The following AFG1L variants were observed in gnomAD, a reference collection of about 807,000 sequenced individuals.
AFG1L encodes the protein AFG1-like ATPase.
Under a neutral mutation model 62.2 loss-of-function variants are expected in AFG1L, and 53 were observed. That is an observed-to-expected ratio of 0.85 (90% confidence interval 0.68 to 1.07). The LOEUF is 1.07. Among genes scored for constraint, AFG1L ranks in the 50% least tolerant of loss-of-function variants. The probability of loss-of-function intolerance (pLI) is 0.00; values close to 1 mark genes in which losing one functional copy is unlikely to be tolerated. For synonymous variants in AFG1L, 228 were observed against 210.3 expected, an observed-to-expected ratio of 1.08 and a Z score of -0.73; for missense variants, 555 against 590.5, an observed-to-expected ratio of 0.94 and a Z score of 0.62.
chr6:108,397,110 C>T (rs1439459951), intron 6 of AFG1L, among the ~76,000 whole-genome samples: 1 of 152,060 alleles, frequency 6.6e-6, no homozygotes, highest in East Asian at 1.9e-4. Flanking sequence ...CTCACTGCAA[C>T]CTCTGCCTCC....
At chr6:108,352,040 A>AT (rs1485160984) in intron 3 of AFG1L, among the ~76,000 whole-genome samples, 4 of 152,184 alleles carry the variant, frequency 2.6e-5, no homozygotes, top group Admixed American at 2.0e-4. Context: ...TTGTACAACT[A>AT]TTACCACCAT....
At chr6:108,511,486 A>G (rs555517690) in intron 11 of AFG1L, among the ~76,000 whole-genome samples, 76 of 152,198 alleles carry the variant, frequency 5.0e-4, no homozygotes, top group Non-Finnish European at 9.7e-4. Context: ...GAAAAAACAG[A>G]TAATAATGGT....
intron 1 of AFG1L, among the ~76,000 whole-genome samples, chr6:108,297,914 A>C: frequency 6.6e-6 from 1 of 151,662 alleles, no homozygotes; most frequent in Non-Finnish European, 1.5e-5. Context: ...TAGCCCTTGA[A>C]TAGCCCATAG....
In AFG1L at chr6:108,447,257, G is replaced by A. The variant is rs748534709; in HGVS notation, c.851G>A (p.Arg284Gln). The A allele has an allele frequency of 3.4e-5, 54 of 1,608,600 alleles. No homozygotes were observed. The highest frequency in any genetic ancestry group is 4.1e-5 in the Non-Finnish European group (48 of 1,175,492). Residue 284 changes from arginine to glutamine, a missense_variant, in exon 8 of 13, where the codon CGG becomes CAG. By Grantham distance (43) the Arg-to-Gln change is conservative (BLOSUM62 1). Coordinates refer to ENST00000368977, the MANE Select transcript of AFG1L (RefSeq NM_145315.5). ...TVQLDSGIDY[R>Q]KRELPAAGKL... ...CAGCTAGATTCTGGGATAGATTACC[G>A]GAAAAGGGAACTTCCTGCTGCAGGA...
At chr6:108,413,864 G>A (rs903947320) in intron 7 of AFG1L, among the ~76,000 whole-genome samples, 2 of 151,904 alleles carry the variant, frequency 1.3e-5, no homozygotes, top group African/African-American at 2.4e-5. Context: ...AAGAACTAGA[G>A]AAGCAAGAGC....
At chr6:108,447,449 G>A (rs1473152023) in intron 8 of AFG1L, among the ~76,000 whole-genome samples, 153 bp downstream of exon 8, 1 of 152,070 alleles carries the variant, frequency 6.6e-6, no homozygotes, top group African/African-American at 2.4e-5. Context: ...TCTTCAACCC[G>A]TGTCTTTACC....
At chr6:108,383,325 G>A (rs916275548) in intron 6 of AFG1L, among the ~76,000 whole-genome samples, 5 of 152,062 alleles carry the variant, frequency 3.3e-5, no homozygotes, top group Non-Finnish European at 7.4e-5. Flanking sequence ...GTATGTTTTA[G>A]GAATTTTTTG....
intron 7 of AFG1L, among the ~76,000 whole-genome samples, chr6:108,419,427 T>C (rs925704549): frequency 2.6e-5 from 4 of 152,184 alleles, no homozygotes; most frequent in Non-Finnish European, 5.9e-5. Context: ...AACAAGGCAT[T>C]CTACAATAGA....
chr6:108,377,144 A>T (rs1780284098), intron 6 of AFG1L, among the ~76,000 whole-genome samples: 1 of 151,772 alleles, frequency 6.6e-6, no homozygotes, highest in Non-Finnish European at 1.5e-5. Context: ...GTGTCATTAC[A>T]TGTGAGATGC....
intron 1 of AFG1L, among the ~76,000 whole-genome samples, chr6:108,305,437 GTGCA>G (rs1729218528): frequency 6.6e-6 from 1 of 152,318 alleles, no homozygotes; most frequent in Non-Finnish European, 1.5e-5. Flanking sequence ...TCAGGCTGGA[GTGCA>G]GTGGTATGAT....
intron 1 of AFG1L, among the ~76,000 whole-genome samples, chr6:108,311,463 A>G (rs905390008): frequency 2.2e-4 from 33 of 152,086 alleles, no homozygotes; most frequent in African/African-American, 8.0e-4. Flanking sequence ...AGAGTTGTTT[A>G]TCCACTTATT....
chr6:108,435,665 G>A (rs1355115721), intron 7 of AFG1L, among the ~76,000 whole-genome samples: 1 of 152,178 alleles, frequency 6.6e-6, no homozygotes, highest in Admixed American at 6.5e-5. Context: ...CAGGGTGTGG[G>A]TAATGAGACC....
intron 7 of AFG1L, among the ~76,000 whole-genome samples, chr6:108,420,236 A>G (rs1770525175): frequency 1.3e-5 from 2 of 152,054 alleles, no homozygotes; most frequent in African/African-American, 2.4e-5. Flanking sequence ...AAGACAGAAC[A>G]AAAGTAGCAG....
intron 10 of AFG1L, among the ~76,000 whole-genome samples, chr6:108,478,563 C>T (rs908919070): frequency 5.9e-5 from 9 of 152,234 alleles, no homozygotes; most frequent in Non-Finnish European, 1.2e-4. Flanking sequence ...TTTCAGACCT[C>T]TTCTGGATCA....
intron 3 of AFG1L, among the ~76,000 whole-genome samples, chr6:108,347,972 A>G (rs888923171): frequency 1.3e-5 from 2 of 152,076 alleles, no homozygotes; most frequent in African/African-American, 4.8e-5. Flanking sequence ...TAGCCACAAC[A>G]CATTTGCGTT....
At chr6:108,340,574 A>G (rs1778645680) in intron 2 of AFG1L, among the ~76,000 whole-genome samples, 1 of 152,138 alleles carries the variant, frequency 6.6e-6, no homozygotes. Context: ...CATGTTGGTC[A>G]GGCTGGTCTC....
intron 10 of AFG1L, among the ~76,000 whole-genome samples, chr6:108,488,655 C>T (rs1034191403): frequency 2.0e-5 from 3 of 150,846 alleles, no homozygotes; most frequent in Non-Finnish European, 4.4e-5. Context: ...CTCAGGAGTT[C>T]GAGACCAGCC....
chr6:108,399,174 GTTTGTTTTTTTTTTTTTTT>G (rs1781445733), intron 6 of AFG1L, among the ~76,000 whole-genome samples: 1 of 51,414 alleles, frequency 1.9e-5, no homozygotes, highest in African/African-American at 8.4e-5. Context: ...CACTTCTTTT[GTTTGTTTTTTTTTTTTTTT>G]TTTTTTTTTT....
At chr6:108,441,446 A>G (rs1771541655) in intron 7 of AFG1L, among the ~76,000 whole-genome samples, 1 of 152,020 alleles carries the variant, frequency 6.6e-6, no homozygotes, top group South Asian at 2.1e-4. Flanking sequence ...TCCTTTGTAT[A>G]TATAAATATG....
Sources: gnomAD v4.1 joint callset for allele counts (sites outside exome capture counted in the v4.1 genomes callset) on GRCh38, gnomAD v4.1.1 for gene constraint, MANE v1.5 for transcripts, NCBI Gene and HGNC (gene_info 2026-07-23, HGNC 2026-07-21) for gene names.